The following SLC25A42 variants were observed in gnomAD, a reference collection of about 807,000 sequenced individuals.
The protein encoded by SLC25A42 is mitochondrial coenzyme A transporter SLC25A42.
SLC25A42 carries 19 observed loss-of-function variants against 34.7 expected under a neutral mutation model. The observed-to-expected ratio is 0.55, with a 90% CI of 0.38 to 0.80. The LOEUF (loss-of-function observed/expected upper bound fraction) is 0.80. SLC25A42 is among the 30% of genes least tolerant of loss of function. The pLI is 0.00. For missense variants in SLC25A42, 364 were observed against 441.3 expected, an observed-to-expected ratio of 0.82 and a Z score of 1.57; for synonymous variants, 205 against 191.2, an observed-to-expected ratio of 1.07 and a Z score of -0.59.
chr19:19,107,628 CAAAACA>C (rs952594819), intron 6 of SLC25A42, among the ~76,000 whole-genome samples: 2 of 151,928 alleles, frequency 1.3e-5, no homozygotes, highest in African/African-American at 4.8e-5. Context: ...GAGACTGTCT[CAAAACA>C]AAAACAAAGA....
At position 19,081,690 on chromosome 19, in the gene SLC25A42, G is replaced by C. The variant is rs770237169; in HGVS notation, c.-34-14401G>C. On this transcript the variant is annotated intron_variant, in intron 1 of 7. Coordinates refer to ENST00000318596, the MANE Select transcript of SLC25A42 (RefSeq NM_178526.5). The surrounding 1 kb of genome is among the most constrained non-coding windows in gnomAD (Gnocchi z 4.5). ...CAGGTCTCAGGCAGAACCTGGACAG[G>C]CTCCTGAGGCGCCCGCCACCTCCCT... Among the ~76,000 whole-genome samples, 12 of 152,134 alleles carry C rather than the reference G, an allele frequency of 7.9e-5. No homozygotes were observed. Among genetic ancestry groups the C allele is most frequent in the Non-Finnish European group, 4.4e-5 (3 of 68,010 alleles).
In SLC25A42 at chr19:19,112,506, C is replaced by A. The variant is rs963272124; in HGVS notation, c.*1630C>A. 2 of 152,430 alleles carry A rather than the reference C, an allele frequency of 1.3e-5. No individual in the cohort carries two copies. Among genetic ancestry groups the A allele is most frequent in the Non-Finnish European group, 2.9e-5 (2 of 68,198 alleles). The allele number at this position is 152,430 out of a possible 1,614,324, so 9.4% of individuals were successfully genotyped here. On this transcript the variant is annotated 3_prime_UTR_variant, in exon 8 of 8. Transcript: ENST00000318596. The surrounding 1 kb of genome is among the most constrained non-coding windows in gnomAD (Gnocchi z 4.3). Reference sequence around the variant, plus strand: ...CACAGGGAGATGGGAGGGCACCCAACTCCCACAAGCATGCAACAGCAGTAG... The same window carrying A: ...CACAGGGAGATGGGAGGGCACCCAAATCCCACAAGCATGCAACAGCAGTAG...
At chr19:19,092,692 T>C (rs190363377) in intron 1 of SLC25A42, among the ~76,000 whole-genome samples, 133 of 152,272 alleles carry the variant, frequency 8.7e-4, no homozygotes, top group African/African-American at 2.9e-3. Flanking sequence ...TCACCCACTG[T>C]TGGGGTATAG....
chr19:19,089,941 T>C (rs921367801), intron 1 of SLC25A42, among the ~76,000 whole-genome samples: 5 of 152,236 alleles, frequency 3.3e-5, no homozygotes, highest in African/African-American at 1.2e-4. Flanking sequence ...TCAGCAGGAA[T>C]GTCTGTTCCA....
At chr19:19,101,667 G>T in intron 2 of SLC25A42, 114 bp from the exon 3 acceptor site, 3 of 860,308 alleles carry the variant, frequency 3.5e-6, no homozygotes, top group Non-Finnish European at 5.4e-6. Flanking sequence ...TACTCAGGGT[G>T]GGGTACATCC....
chr19:19,097,976 AAAT>A (rs2059774612), intron 2 of SLC25A42, among the ~76,000 whole-genome samples: 1 of 150,834 alleles, frequency 6.6e-6, no homozygotes, highest in African/African-American at 2.4e-5. Context: ...AAAAAAAAAA[AAAT>A]ACTGAGCTTC....
intron 1 of SLC25A42, among the ~76,000 whole-genome samples, chr19:19,075,279 A>G (rs535997516): frequency 3.9e-5 from 6 of 152,290 alleles, no homozygotes; most frequent in African/African-American, 9.6e-5. Flanking sequence ...CGAAGATCCC[A>G]TGCTCCAGGT....
intron 1 of SLC25A42, among the ~76,000 whole-genome samples, chr19:19,065,673 A>G (rs1002107532): frequency 3.9e-5 from 6 of 152,212 alleles, no homozygotes; most frequent in African/African-American, 1.4e-4. Flanking sequence ...TCCAACTTCA[A>G]TAGGAGTCAT....
intron 1 of SLC25A42, among the ~76,000 whole-genome samples, chr19:19,066,546 T>G (rs753936688): frequency 1.3e-5 from 2 of 151,170 alleles, no homozygotes; most frequent in Non-Finnish European, 2.9e-5. Context: ...CCTCCCAAGT[T>G]CAAGCCATTC....
rs2059829189 is a variant in SLC25A42 at position 19,106,479 on chromosome 19, G to A, written c.497+94G>A. The stretch of plus-strand genomic sequence containing the variant: ...ATCCCTCTCTCTATCGGGCCCCAGG[G>A]GTTTGCATCTGGGCCTCCGTGTCCA... On this transcript the variant is annotated intron_variant, in intron 6 of 7. Transcript: ENST00000318596. 7.8e-6 allele frequency: 8 copies of A among 1,021,306 alleles called. No individual in the cohort carries two copies. In the East Asian group the frequency reaches 2.0e-4, roughly 26 times the overall value. 63.3% of individuals were successfully genotyped at this position (1,021,306 alleles called of 1,614,324 possible).
chr19:19,075,350 G>A (rs1244193414), intron 1 of SLC25A42, among the ~76,000 whole-genome samples: 3 of 152,124 alleles, frequency 2.0e-5, no homozygotes, highest in Admixed American at 6.5e-5. Flanking sequence ...CCCATACCCC[G>A]CCGAGCTTTG....
At chr19:19,098,526 G>A (rs2059777471) in intron 2 of SLC25A42, among the ~76,000 whole-genome samples, 2 of 59,874 alleles carry the variant, frequency 3.3e-5, no homozygotes, top group Admixed American at 4.1e-4. Context: ...AGCCCAAGAG[G>A]TCATGGCTGC....
chr19:19,104,849 G>A, intron 3 of SLC25A42, 64 bp from the exon 4 acceptor site: 3 of 1,596,374 alleles, frequency 1.9e-6, no homozygotes, highest in East Asian at 2.2e-5. Context: ...CAGGGGTGGG[G>A]CCACGCAGAT....
rs766802370 is a variant in SLC25A42 at position 19,107,923 on chromosome 19, G to A, written c.527G>A (p.Arg176His). Residue 176 changes from arginine (R) to histidine (H), a missense_variant, in exon 7 of 8, where the codon CGC becomes CAC. Coordinates refer to ENST00000318596, the MANE Select transcript of SLC25A42 (RefSeq NM_178526.5). The stretch of plus-strand genomic sequence containing the variant: ...AGCAACATCTTTCATGTCTTCATCC[G>A]CATCTCGAGAGAAGAGGGGCTGAAG... ...MYSNIFHVFI[R>H]ISREEGLKTL... 3.1e-6 allele frequency: 5 copies of A among 1,613,918 alleles called. No individual in the cohort carries two copies. The highest frequency in any genetic ancestry group is 2.2e-5 in the South Asian group (2 of 91,082).
chr19:19,072,253 C>T (rs2059634718), intron 1 of SLC25A42, among the ~76,000 whole-genome samples: 1 of 152,362 alleles, frequency 6.6e-6, no homozygotes, highest in East Asian at 1.9e-4. Context: ...TTTGCCCCAG[C>T]CCTGTCTGAT....
intron 2 of SLC25A42, among the ~76,000 whole-genome samples, chr19:19,097,537 A>G (rs2059772185): frequency 6.6e-6 from 1 of 152,256 alleles, no homozygotes; most frequent in Non-Finnish European, 1.5e-5. Context: ...AGTGCTGGTC[A>G]CTTGCCGGGC....
chr19:19,108,072 G>C (rs756118117), intron 7 of SLC25A42, 27 bp downstream of exon 7: 6 of 1,530,104 alleles, frequency 3.9e-6, no homozygotes, highest in Admixed American at 2.0e-5. Context: ...GCATGAGGAG[G>C]GGACGTTCAG....
At chr19:19,107,744 T>C in intron 6 of SLC25A42, 150 bp from the exon 7 acceptor site, 1 of 711,614 alleles carries the variant, frequency 1.4e-6, no homozygotes, top group South Asian at 1.8e-5. Flanking sequence ...GCTTGAGTGA[T>C]GGGGTTATAT....
At chr19:19,066,512 G>C (rs1385077101) in intron 1 of SLC25A42, among the ~76,000 whole-genome samples, 1 of 148,412 alleles carries the variant, frequency 6.7e-6, no homozygotes, top group Non-Finnish European at 1.5e-5. Context: ...GCAGTGGCGC[G>C]ATCTCGGCTC....
Sources: gnomAD v4.1 joint callset for allele counts (sites outside exome capture counted in the v4.1 genomes callset) on GRCh38, gnomAD v4.1.1 for gene constraint, Gnocchi (gnomAD v3.1) non-coding constraint, MANE v1.5 for transcripts, NCBI Gene and HGNC (gene_info 2026-07-23, HGNC 2026-07-21) for gene names.